The following PLEKHA4 variants were observed in gnomAD, a reference collection of about 807,000 sequenced individuals.
The protein encoded by PLEKHA4 is pleckstrin homology domain containing A4, also known as pleckstrin homology domain-containing family A member 4.
In PLEKHA4, 73 loss-of-function variants were observed where a neutral mutation model predicts 94.7. That is an observed-to-expected ratio of 0.77 (90% CI 0.64 to 0.94). PLEKHA4 has a LOEUF of 0.94. PLEKHA4 is among the 40% of genes least tolerant of loss of function. PLEKHA4 has a pLI of 0.00. For missense variants in PLEKHA4, 1,049 were observed against 1,054.1 expected, an observed-to-expected ratio of 1.00 and a Z score of 0.07; for synonymous variants, 449 against 437.1, an observed-to-expected ratio of 1.03 and a Z score of -0.34.
intron 13 of PLEKHA4, among the ~76,000 whole-genome samples, chr19:48,850,418 T>G (rs1427591264): frequency 6.6e-6 from 1 of 151,510 alleles, no homozygotes; most frequent in African/African-American, 2.4e-5. Flanking sequence ...GCAGGAGAAT[T>G]GCTTGAGCCT....
At position 48,837,199 on chromosome 19, in the gene PLEKHA4, C is replaced by T. The variant is rs527833159; in HGVS notation, c.*90G>A. On this transcript the variant is annotated 3_prime_UTR_variant, in exon 20 of 20. Coordinates refer to ENST00000263265, the MANE Select transcript of PLEKHA4 (RefSeq NM_020904.3). This position sits in a 1 kb window ranked among gnomAD's most constrained non-coding sequence, Gnocchi z 4.3. ...CGGGCCCGCAATGGGGACCAGACCA[C>T]GCCCCCTGATGCCCTGAGTGGTCCC... 1.3e-6 allele frequency: 2 copies of T among 1,585,032 alleles called. No individual in the cohort carries two copies. Among genetic ancestry groups the T allele is most frequent in the South Asian group, 2.2e-5 (2 of 90,170 alleles).
chr19:48,856,565 A>G (rs1046415589), intron 9 of PLEKHA4, among the ~76,000 whole-genome samples: 13 of 152,110 alleles, frequency 8.5e-5, no homozygotes, highest in Non-Finnish European at 1.3e-4. Context: ...TAAAAATACA[A>G]AAATTATCCA....
At chr19:48,842,629 T>C (rs2035812577) in intron 16 of PLEKHA4, among the ~76,000 whole-genome samples, 2 of 152,204 alleles carry the variant, frequency 1.3e-5, no homozygotes, top group South Asian at 4.1e-4. Flanking sequence ...TACCCATAGA[T>C]AAGATGAGCC....
intron 13 of PLEKHA4, 37 bp from the exon 14 acceptor site, chr19:48,848,077 G>T: frequency 6.2e-7 from 1 of 1,604,938 alleles, no homozygotes; most frequent in Non-Finnish European, 8.5e-7. Flanking sequence ...TTAAAGGTGG[G>T]AAAACGCAGG....
Position 48,860,476 on chromosome 19 carries a change from C to T in PLEKHA4, c.367-17G>A, listed in dbSNP as rs911369858. The T allele has an allele frequency of 1.9e-6, 3 of 1,603,084 alleles. No homozygotes were observed. The African/African-American group carries it at 4.0e-5, about 21-fold the overall frequency. The stretch of plus-strand genomic sequence containing the variant: ...GTGCTCTGCCTGCGGGAAGAGAAGG[C>T]TTGGAATCCGGACTCCCGGGCCTTG... On this transcript the variant is annotated splice_polypyrimidine_tract_variant and intron_variant, in intron 5 of 19. Transcript: ENST00000263265.
chr19:48,842,992 G>A (rs76338224), intron 16 of PLEKHA4, among the ~76,000 whole-genome samples: 7,153 of 152,156 alleles, frequency 0.047, 418 homozygotes, highest in African/African-American at 0.14. Context: ...ACCCGGTTGG[G>A]GTGAGGGAGG....
chr19:48,859,409 C>T (rs2036550650), intron 7 of PLEKHA4, 60 bp downstream of exon 7: 1 of 1,576,044 alleles, frequency 6.3e-7, no homozygotes, highest in Non-Finnish European at 8.7e-7. Flanking sequence ...CCGCCCCCAA[C>T]CAGTTTCCGG....
At position 48,841,225 on chromosome 19, in the gene PLEKHA4, C is replaced by G; in HGVS notation, c.1829G>C (p.Arg610Pro). The G allele has an allele frequency of 6.2e-7, 1 of 1,613,288 alleles. No individual in the cohort carries two copies. The highest frequency in any genetic ancestry group is 8.5e-7 in the Non-Finnish European group (1 of 1,179,800). Residue 610 changes from arginine (R) to proline (P), a missense_variant, in exon 17 of 20, where the codon CGC (arginine) becomes CCC (proline). By Grantham distance (103) the Arg-to-Pro change is moderately radical. Coordinates refer to ENST00000263265, the MANE Select transcript of PLEKHA4 (RefSeq NM_020904.3). ...GGTGAGAAGCCGGGGGGAGGTCGGG[C>G]GAGGGAAGGGCCGTCCACATTCCTG... is the stretch of plus-strand genomic sequence containing the variant. Reference protein sequence around the residue: ...RNQECGRPFPRPTSPRLLTLG... With the variant: ...RNQECGRPFPPPTSPRLLTLG...
chr19:48,853,732 A>G lies in PLEKHA4; in HGVS notation c.1276T>C (p.Leu426=), dbSNP rs1297141721. The G allele has an allele frequency of 1.9e-6, 3 of 1,610,172 alleles. No individual in the cohort carries two copies. In the African/African-American group the frequency reaches 4.0e-5, roughly 22 times the overall value. ...PGRAWGRQRL[L]QDRLVSVRAT... ...CTCACACTGACCAGCCGGTCCTGCA[A>G]GAGGCGCTGGCGACCCCAGGCCCTC... Residue 426 remains leucine (L), a synonymous_variant, in exon 12 of 20, where the codon TTG becomes CTG. Coordinates refer to ENST00000263265, the MANE Select transcript of PLEKHA4 (RefSeq NM_020904.3).
In PLEKHA4 at chr19:48,841,303, A is replaced by C. The variant is rs1394974632; in HGVS notation, c.1751T>G (p.Val584Gly). Residue 584 changes from valine (V) to glycine (G), a missense_variant, in exon 17 of 20, where the codon GTG becomes GGG. Coordinates refer to ENST00000263265, the MANE Select transcript of PLEKHA4 (RefSeq NM_020904.3). ...PSPQLGTKAP[V>G]ARPRMSAQEQ... ...CTGGGCACTCATCCGGGGCCGGGCCACCGGGGCCTAGGGAGGCGAGAAACG... is the reference window on the plus strand; with the variant it reads ...CTGGGCACTCATCCGGGGCCGGGCCCCCGGGGCCTAGGGAGGCGAGAAACG... The C allele has an allele frequency of 6.2e-7, 1 of 1,609,236 alleles. No homozygotes were observed. The highest frequency in any genetic ancestry group is 8.5e-7 in the Non-Finnish European group (1 of 1,177,842).
intron 18 of PLEKHA4, among the ~76,000 whole-genome samples, chr19:48,838,536 G>A (rs988172474): frequency 1.3e-5 from 2 of 151,046 alleles, no homozygotes; most frequent in African/African-American, 4.9e-5. Context: ...GGCCGAGGCG[G>A]GCGGATCACT....
At chr19:48,839,182 T>C in intron 18 of PLEKHA4, 23 bp downstream of exon 18, 2 of 1,544,680 alleles carry the variant, frequency 1.3e-6, no homozygotes, top group Non-Finnish European at 8.7e-7. Context: ...CCTGCTCCCT[T>C]GATACGCCCT....
intron 13 of PLEKHA4, among the ~76,000 whole-genome samples, chr19:48,848,418 G>A (rs1313971594): frequency 2.0e-5 from 3 of 149,878 alleles, no homozygotes; most frequent in African/African-American, 4.9e-5. Flanking sequence ...CCCGGGAGGC[G>A]GAGCTTGCAG....
intron 3 of PLEKHA4, among the ~76,000 whole-genome samples, chr19:48,862,204 C>CTTTTTTT (rs747491446): frequency 7.1e-4 from 96 of 135,492 alleles, no homozygotes; most frequent in Middle Eastern, 7.7e-3. Context: ...TTTTCTCTCT[C>CTTTTTTT]TTTTTTTTTT....
intron 3 of PLEKHA4, among the ~76,000 whole-genome samples, chr19:48,863,253 G>GTTTGT (rs897936926): frequency 6.6e-6 from 1 of 151,976 alleles, no homozygotes; most frequent in Non-Finnish European, 1.5e-5. Flanking sequence ...TTTTTTGTTT[G>GTTTGT]TTTGTTTTGT....
At chr19:48,859,823 G>A (rs983367812) in intron 6 of PLEKHA4, 139 bp from the exon 7 acceptor site, 4 of 813,058 alleles carry the variant, frequency 4.9e-6, no homozygotes, top group Non-Finnish European at 7.8e-6. Context: ...TTCTTCAGAA[G>A]GGGAAACTGA....
rs1395098572 is a variant in PLEKHA4, at chr19:48,857,423, A to C, written c.1046T>G (p.Leu349Trp). The C allele has an allele frequency of 2.0e-6, 3 of 1,520,844 alleles. No homozygotes were observed. The highest frequency in any genetic ancestry group is 1.8e-6 in the Non-Finnish European group (2 of 1,125,298). The allele number at this position is 1,520,844 out of a possible 1,614,324, so 94.2% of individuals were successfully genotyped here. The change falls in exon 9 of 20, where the codon TTG (leucine) becomes TGG (tryptophan). Residue 349 changes from leucine to tryptophan, a missense_variant and splice_region_variant. Coordinates refer to ENST00000263265, the MANE Select transcript of PLEKHA4 (RefSeq NM_020904.3). ...TTTAGGGTACTCCAGGATACCTACC[A>C]ATAAAACCATGGAGGCCCGGGTCCC... ...PPGTRASMVLLPGPPLESTFH... is the reference protein window; with the variant it reads ...PPGTRASMVLWPGPPLESTFH...
At position 48,861,759 on chromosome 19, in the gene PLEKHA4, C is replaced by T. The variant is rs368184206; in HGVS notation, c.193-67G>A. The T allele has an allele frequency of 1.4e-4, 195 of 1,379,066 alleles. No homozygotes were observed. In the African/African-American group the frequency reaches 2.3e-3, roughly 17 times the overall value. 85.4% of individuals were successfully genotyped at this position (1,379,066 alleles called of 1,614,324 possible). ...CAGAAAAAGGGGATGAAGGCAGTGA[C>T]GATGGGGACAGAGAGCCAGAGAGAG... On this transcript the variant is annotated intron_variant, in intron 3 of 19. Coordinates refer to ENST00000263265, the MANE Select transcript of PLEKHA4 (RefSeq NM_020904.3).
chr19:48,852,059 G>C (rs924809757), intron 13 of PLEKHA4, among the ~76,000 whole-genome samples, 169 bp downstream of exon 13: 1 of 152,070 alleles, frequency 6.6e-6, no homozygotes, highest in Non-Finnish European at 1.5e-5. Flanking sequence ...AAACCCCAAA[G>C]GGCATGGTCT....
Sources: gnomAD v4.1 joint callset for allele counts (sites outside exome capture counted in the v4.1 genomes callset) on GRCh38, gnomAD v4.1.1 for gene constraint, Gnocchi (gnomAD v3.1) non-coding constraint, MANE v1.5 for transcripts, NCBI Gene and HGNC (gene_info 2026-07-23, HGNC 2026-07-21) for gene names.